Variants in ARID1B observed in about 807,000 individuals in gnomAD.
The protein encoded by ARID1B is AT-rich interactive domain-containing protein 1B.
ARID1B carries 30 observed loss-of-function variants against 212.3 expected under a neutral mutation model. That is an observed-to-expected ratio of 0.14 (90% CI 0.11 to 0.19). ARID1B has a LOEUF of 0.19. Among genes scored for constraint, ARID1B ranks in the 10% least tolerant of loss-of-function variants. The pLI is 1.00. For synonymous variants in ARID1B, 1,402 were observed against 1,301.7 expected (o/e 1.08, Z -1.66); for missense variants, 2,891 against 3,204.0 (o/e 0.90, Z 2.36).
chr6:157,039,806 CTT>C (rs1250937603), intron 4 of ARID1B, among the ~76,000 whole-genome samples: 8 of 121,546 alleles, frequency 6.6e-5, no homozygotes, highest in Non-Finnish European at 8.2e-5. Flanking sequence ...CTTTCTTTCT[CTT>C]TCTTTCTTTT....
At chr6:157,090,039 A>G (rs1038483861) in intron 5 of ARID1B, among the ~76,000 whole-genome samples, 2 of 152,202 alleles carry the variant, frequency 1.3e-5, no homozygotes, top group Admixed American at 1.3e-4. Context: ...ACGGCATCTG[A>G]ATGCACCGCT....
intron 8 of ARID1B, among the ~76,000 whole-genome samples, chr6:157,160,858 G>A (rs546927007): frequency 6.6e-6 from 1 of 152,310 alleles, no homozygotes; most frequent in East Asian, 1.9e-4. Flanking sequence ...CTGAGAGATG[G>A]AGGGGACGTC....
chr6:156,967,232 G>A (rs937395172), intron 4 of ARID1B, among the ~76,000 whole-genome samples: 1 of 152,128 alleles, frequency 6.6e-6, no homozygotes, highest in African/African-American at 2.4e-5. Flanking sequence ...TGGAAGATAC[G>A]TGTTGCTGAA....
intron 8 of ARID1B, chr6:157,149,363 A>C (rs1434813492): frequency 5.3e-6 from 1 of 187,930 alleles, no homozygotes; most frequent in Non-Finnish European, 1.1e-5. Context: ...CCTTTTTTTC[A>C]CCCTACCACA....
At chr6:156,794,958 T>C (rs184300977) in intron 1 of ARID1B, among the ~76,000 whole-genome samples, 12 of 152,256 alleles carry the variant, frequency 7.9e-5, no homozygotes, top group African/African-American at 2.6e-4. Context: ...AGGCAAGAAT[T>C]TGGGCTACAA....
intron 1 of ARID1B, among the ~76,000 whole-genome samples, chr6:156,806,287 G>A (rs1039143896): frequency 1.3e-5 from 2 of 152,192 alleles, no homozygotes; most frequent in African/African-American, 4.8e-5. Context: ...GTCTTTGGAA[G>A]GTTCTTTTAG....
At chr6:156,972,979 A>G (rs1777023145) in intron 4 of ARID1B, among the ~76,000 whole-genome samples, 1 of 152,244 alleles carries the variant, frequency 6.6e-6, no homozygotes, top group Non-Finnish European at 1.5e-5. Context: ...GATAGTTAAC[A>G]CATGGTAGTT....
chr6:156,795,912 TAGAC>T (rs1157027221), intron 1 of ARID1B, among the ~76,000 whole-genome samples: 1 of 152,190 alleles, frequency 6.6e-6, no homozygotes, highest in African/African-American at 2.4e-5. Flanking sequence ...AACCTTGTCT[TAGAC>T]AAGGGGTGTA....
intron 6 of ARID1B, among the ~76,000 whole-genome samples, chr6:157,127,500 C>G (rs1297189337): frequency 6.6e-6 from 1 of 151,588 alleles, no homozygotes; most frequent in African/African-American, 2.4e-5. Context: ...ATTAGAAATA[C>G]AAAAATTACG....
At chr6:157,043,121 A>AT (rs1340370853) in intron 4 of ARID1B, among the ~76,000 whole-genome samples, 1 of 152,188 alleles carries the variant, frequency 6.6e-6, no homozygotes, top group Non-Finnish European at 1.5e-5. Context: ...ATTTTGGTTG[A>AT]TTAGATATCT....
chr6:156,864,969 C>G (rs1785580642), intron 2 of ARID1B, among the ~76,000 whole-genome samples: 1 of 152,184 alleles, frequency 6.6e-6, no homozygotes, highest in Non-Finnish European at 1.5e-5. Flanking sequence ...TTACCATGCA[C>G]TCCCCTTTAG....
At chr6:157,139,224 C>T (rs538600922) in intron 7 of ARID1B, among the ~76,000 whole-genome samples, 13 of 152,244 alleles carry the variant, frequency 8.5e-5, no homozygotes, top group Admixed American at 2.0e-4. Flanking sequence ...CTGCCCTCAC[C>T]GTGTGACCGA....
chr6:156,873,408 A>G (rs889981595), intron 2 of ARID1B, among the ~76,000 whole-genome samples: 1 of 152,198 alleles, frequency 6.6e-6, no homozygotes, highest in African/African-American at 2.4e-5. Flanking sequence ...AGGGTAACTA[A>G]TACTAGTCTT....
In ARID1B at chr6:156,934,944, AT is replaced by A. The variant is rs1562494818; in HGVS notation, c.2137-521del. ...TATATATATATATATATATATATAT[AT>A]ATATATATATATATATAGTTTATAT... On this transcript the variant is annotated intron_variant, in intron 3 of 19. Coordinates refer to ENST00000636930, the MANE Select transcript of ARID1B (RefSeq NM_001374828.1). Among the ~76,000 whole-genome samples, 86 of 88,492 alleles carry A rather than the reference AT, an allele frequency of 9.7e-4. 1 individual carries two copies. Among genetic ancestry groups the A allele is most frequent in the East Asian group, 5.2e-3 (20 of 3,876 alleles). The allele number at this position is 88,492 out of a possible 152,430, so 58.1% of individuals were successfully genotyped here. A position where few individuals can be genotyped will look rare whatever the true frequency, so the allele number is the denominator to read the frequency against.
intron 6 of ARID1B, among the ~76,000 whole-genome samples, chr6:157,119,032 G>C (rs970978847): frequency 6.6e-6 from 1 of 152,070 alleles, no homozygotes; most frequent in African/African-American, 2.4e-5. Context: ...TGTTCCTTTT[G>C]TGTTTTTTCT....
chr6:156,848,371 G>A (rs980158290), intron 2 of ARID1B, among the ~76,000 whole-genome samples: 5 of 152,198 alleles, frequency 3.3e-5, no homozygotes, highest in Admixed American at 2.6e-4. Context: ...TATGTGTCAG[G>A]AATAAAGAAT....
intron 3 of ARID1B, among the ~76,000 whole-genome samples, chr6:156,912,998 T>G (rs970576601): frequency 2.0e-5 from 3 of 151,610 alleles, no homozygotes; most frequent in African/African-American, 7.3e-5. Flanking sequence ...ACTATTCTAT[T>G]GAAATGGCTC....
chr6:157,154,360 G>A (rs1353950080), intron 8 of ARID1B, among the ~76,000 whole-genome samples: 1 of 152,138 alleles, frequency 6.6e-6, no homozygotes, highest in Non-Finnish European at 1.5e-5. Context: ...AGCTAATACT[G>A]TGTTCATAAG....
At chr6:156,847,565 G>T (rs963348289) in intron 2 of ARID1B, among the ~76,000 whole-genome samples, 1 of 152,190 alleles carries the variant, frequency 6.6e-6, no homozygotes, top group Admixed American at 6.5e-5. Flanking sequence ...TGAGATAGAC[G>T]ATGGGAAGGA....
Sources: allele counts gnomAD v4.1 joint callset (sites outside exome capture counted in the v4.1 genomes callset), GRCh38; gene constraint gnomAD v4.1.1; transcripts MANE v1.5; gene names NCBI Gene and HGNC (gene_info 2026-07-23, HGNC 2026-07-21).